FIGN: variants seen among roughly 807,000 people sequenced by gnomAD.
FIGN encodes fidgetin.
In FIGN, 11 loss-of-function variants were observed where a neutral mutation model predicts 51.3. The ratio of observed to expected loss-of-function variants is 0.21; its 90% CI spans 0.13 to 0.35. The LOEUF (loss-of-function observed/expected upper bound fraction) is 0.35. Ranked by LOEUF, FIGN falls within the 10% of genes least tolerant of loss-of-function variation. The probability of loss-of-function intolerance (pLI) is 1.00; values close to 1 mark genes in which losing one functional copy is unlikely to be tolerated. For synonymous variants in FIGN, 407 were observed against 363.2 expected, an observed-to-expected ratio of 1.12 and a Z score of -1.37; for missense variants, 857 against 943.6, an observed-to-expected ratio of 0.91 and a Z score of 1.20.
At chr2:163,678,723 C>T (rs1257464574) in intron 2 of FIGN, among the ~76,000 whole-genome samples, 1 of 152,080 alleles carries the variant, frequency 6.6e-6, no homozygotes, top group Non-Finnish European at 1.5e-5. Flanking sequence ...GAGACCTTTA[C>T]AAATAACACC....
chr2:163,671,121 GC>G lies in FIGN; in HGVS notation c.26-59316del, dbSNP rs1573940220. On this transcript the variant is annotated intron_variant, in intron 2 of 2. Coordinates refer to ENST00000333129, the MANE Select transcript of FIGN (RefSeq NM_018086.4). ...CAAGATATTGCACCAGCTTGTGATC[GC>G]CCAGAGATGCAATGTGCCCACTTTC... Among the ~76,000 whole-genome samples the G allele has an allele frequency of 2.0e-5, 3 of 152,212 alleles. No individual in the cohort carries two copies. In the East Asian group the frequency reaches 5.8e-4, roughly 29 times the overall value.
chr2:163,609,858 C>T lies in FIGN; in HGVS notation c.1974G>A (p.Arg658=), dbSNP rs1691195041. Residue 658 remains arginine, a synonymous_variant, in exon 3 of 3, where the codon AGG becomes AGA. Coordinates refer to ENST00000333129, the MANE Select transcript of FIGN (RefSeq NM_018086.4). ...LLIPLPDSTA[R]HQIIVQLLSQ... is the part of the protein sequence containing the mutation. ...AGAGCAGTTGTACTATTATCTGGTG[C>T]CTCGCTGTGCTGTCAGGAAGTGGGA... 6.2e-7 allele frequency: 1 copy of T among 1,614,144 alleles called. No homozygotes were observed. Among genetic ancestry groups the T allele is most frequent in the Non-Finnish European group, 8.5e-7 (1 of 1,180,018 alleles).
chr2:163,693,218 A>G (rs1165351948), intron 2 of FIGN, among the ~76,000 whole-genome samples: 2 of 151,996 alleles, frequency 1.3e-5, no homozygotes, highest in African/African-American at 4.8e-5. Context: ...TATCTAGTCA[A>G]GAGTGGGATG....
At chr2:163,731,040 C>T (rs567287035) in intron 2 of FIGN, among the ~76,000 whole-genome samples, 1 of 152,216 alleles carries the variant, frequency 6.6e-6, no homozygotes, top group African/African-American at 2.4e-5. Flanking sequence ...TCAAATACAT[C>T]TAGTAATTCT....
At chr2:163,611,909 GATATGCATAC>G in intron 2 of FIGN, 103 bp from the exon 3 acceptor site, 3 of 687,856 alleles carry the variant, frequency 4.4e-6, no homozygotes, top group Non-Finnish European at 4.4e-6. Context: ...TTCCATTAAT[GATATGCATAC>G]TTTAAAAGAT....
intron 2 of FIGN, among the ~76,000 whole-genome samples, chr2:163,678,991 G>C (rs1684015930): frequency 6.6e-6 from 1 of 152,062 alleles, no homozygotes. Flanking sequence ...AAATTTATCT[G>C]GAGTAATTTA....
chr2:163,648,605 T>C (rs1179674195), intron 2 of FIGN, among the ~76,000 whole-genome samples: 1 of 152,226 alleles, frequency 6.6e-6, no homozygotes, highest in Non-Finnish European at 1.5e-5. Context: ...CAGAGGTCTC[T>C]GAATCAGGAA....
chr2:163,676,841 G>C (rs1683979311), intron 2 of FIGN, among the ~76,000 whole-genome samples: 1 of 151,956 alleles, frequency 6.6e-6, no homozygotes. Flanking sequence ...TCACAATTTA[G>C]AGGATATTCA....
chr2:163,651,934 T>C (rs1041823535), intron 2 of FIGN, among the ~76,000 whole-genome samples: 15 of 152,194 alleles, frequency 9.9e-5, no homozygotes, highest in Non-Finnish European at 2.1e-4. Flanking sequence ...CTAGTAATAA[T>C]TGCTTCTTTC....
At chr2:163,651,899 G>A (rs946127163) in intron 2 of FIGN, among the ~76,000 whole-genome samples, 4 of 152,166 alleles carry the variant, frequency 2.6e-5, no homozygotes, top group Admixed American at 6.5e-5. Flanking sequence ...AATTTTAAAG[G>A]ACATAATTTA....
chr2:163,644,935 G>A (rs1683359628), intron 2 of FIGN, among the ~76,000 whole-genome samples: 1 of 152,114 alleles, frequency 6.6e-6, no homozygotes, highest in African/African-American at 2.4e-5. Flanking sequence ...GAGGAATGGG[G>A]ACAATGGGAG....
At chr2:163,634,935 G>T (rs1274783507) in intron 2 of FIGN, among the ~76,000 whole-genome samples, 1 of 152,080 alleles carries the variant, frequency 6.6e-6, no homozygotes, top group East Asian at 1.9e-4. Context: ...TTTACATAGA[G>T]TATGTGCTCA....
At position 163,610,971 on chromosome 2, in the gene FIGN, G is replaced by T. The variant is rs376830180; in HGVS notation, c.861C>A (p.Pro287=). 1.5e-5 allele frequency: 24 copies of T among 1,613,680 alleles called. No homozygotes were observed. Among genetic ancestry groups the T allele is most frequent in the Non-Finnish European group, 8.5e-6 (10 of 1,179,964 alleles). The change falls in exon 3 of 3, where the codon CCC becomes CCA. Residue 287 remains proline (P), a synonymous_variant. Coordinates refer to ENST00000333129, the MANE Select transcript of FIGN (RefSeq NM_018086.4). The part of the protein sequence containing the change: ...SGIPAPTPLP[P]TTVPGYTYQG... Reference sequence around the variant, plus strand: ...GGTAGGTGTAGCCAGGAACAGTGGTGGGGGGTAGGGGGGTGGGAGCAGGAA... The same window carrying T: ...GGTAGGTGTAGCCAGGAACAGTGGTTGGGGGTAGGGGGGTGGGAGCAGGAA...
intron 2 of FIGN, among the ~76,000 whole-genome samples, chr2:163,638,296 A>T (rs1192335300): frequency 1.3e-5 from 2 of 151,924 alleles, no homozygotes; most frequent in Non-Finnish European, 2.9e-5. Context: ...AAAAAAGGCA[A>T]AATGCTTTTT....
intron 2 of FIGN, among the ~76,000 whole-genome samples, chr2:163,706,995 T>A (rs917775342): frequency 4.6e-5 from 7 of 152,210 alleles, no homozygotes; most frequent in Non-Finnish European, 4.4e-5. Flanking sequence ...TAACATTTCT[T>A]TTCTGTCTTC....
chr2:163,673,081 C>T (rs943687926), intron 2 of FIGN, among the ~76,000 whole-genome samples: 2 of 151,822 alleles, frequency 1.3e-5, no homozygotes, highest in Non-Finnish European at 2.9e-5. Context: ...GAGCAGCTTA[C>T]GACAGAAAAA....
At chr2:163,616,228 C>G (rs931720197) in intron 2 of FIGN, among the ~76,000 whole-genome samples, 1 of 152,108 alleles carries the variant, frequency 6.6e-6, no homozygotes, top group Admixed American at 6.6e-5. Flanking sequence ...CGAAACAAAA[C>G]AACTATAGCA....
At chr2:163,650,271 T>A (rs1683450569) in intron 2 of FIGN, among the ~76,000 whole-genome samples, 1 of 151,698 alleles carries the variant, frequency 6.6e-6, no homozygotes, top group Non-Finnish European at 1.5e-5. Flanking sequence ...CTTACTAGAG[T>A]CTATATTCAA....
intron 2 of FIGN, among the ~76,000 whole-genome samples, chr2:163,649,229 G>T (rs1338140968): frequency 6.6e-6 from 1 of 152,164 alleles, no homozygotes; most frequent in Non-Finnish European, 1.5e-5. Context: ...TACTGTGGTA[G>T]CTAGTTTCCA....
Sources: gnomAD v4.1 joint callset for allele counts (sites outside exome capture counted in the v4.1 genomes callset) on GRCh38, gnomAD v4.1.1 for gene constraint, MANE v1.5 for transcripts, NCBI Gene and HGNC (gene_info 2026-07-23, HGNC 2026-07-21) for gene names.